CEACAM4: variants seen among roughly 807,000 people sequenced by gnomAD.
CEACAM4 encodes cell adhesion molecule CEACAM4.
A neutral mutation model predicts 28.7 loss-of-function variants in CEACAM4; 30 were observed. The observed-to-expected ratio is 1.05, with a 90% CI of 0.78 to 1.42. The LOEUF (loss-of-function observed/expected upper bound fraction) is 1.42. Ranked by LOEUF, CEACAM4 falls within the 40% of genes most tolerant of loss-of-function variation. The pLI, the probability that CEACAM4 is intolerant of heterozygous loss-of-function variation, is 0.00. For missense variants in CEACAM4, 330 were observed against 308.2 expected, an observed-to-expected ratio of 1.07 and a Z score of -0.53; for synonymous variants, 143 against 126.5, an observed-to-expected ratio of 1.13 and a Z score of -0.87.
intron 3 of CEACAM4, among the ~76,000 whole-genome samples, chr19:41,621,264 G>C (rs1424790833): frequency 1.3e-5 from 2 of 152,056 alleles, no homozygotes; most frequent in Non-Finnish European, 2.9e-5. Flanking sequence ...GCGTGACCAT[G>C]CCCAGGACCC....
Position 41,626,922 on chromosome 19 carries a change from G to A in CEACAM4, c.42C>T (p.Pro14=), listed in dbSNP as rs782135828. Residue 14 remains proline (P), a synonymous_variant, in exon 1 of 7, where the codon CCC becomes CCT. Coordinates refer to ENST00000221954, the MANE Select transcript of CEACAM4 (RefSeq NM_001817.4). ...PSAAPRGGHR[P]WQGLLITASL... ...CACCTGTGATCAGGAGCCCCTGCCAGGGCCTGTGCCCTCCACGGGGAGCGG... is the reference window on the plus strand; with the variant it reads ...CACCTGTGATCAGGAGCCCCTGCCAAGGCCTGTGCCCTCCACGGGGAGCGG... The A allele has an allele frequency of 6.2e-7, 1 of 1,609,220 alleles. No individual in the cohort carries two copies.
chr19:41,622,404 C>T (rs2071347089), intron 2 of CEACAM4, among the ~76,000 whole-genome samples: 1 of 152,148 alleles, frequency 6.6e-6, no homozygotes, highest in Non-Finnish European at 1.5e-5. Flanking sequence ...TTTTCCATTC[C>T]ATGATTGTCA....
intron 2 of CEACAM4, among the ~76,000 whole-genome samples, chr19:41,623,416 T>A (rs895498148): frequency 1.5e-5 from 2 of 137,436 alleles, no homozygotes; most frequent in Admixed American, 7.3e-5. Context: ...TCTTTCGAAC[T>A]GCATTTTTTT....
chr19:41,619,502 C>T (rs2071119649), intron 6 of CEACAM4, 107 bp from the exon 7 acceptor site: 2 of 1,572,284 alleles, frequency 1.3e-6, no homozygotes, highest in Non-Finnish European at 1.7e-6. Flanking sequence ...CTGAACCTGG[C>T]TGTGCTCAGG....
chr19:41,623,419 A>ATTTTTTTTTTTTTTTTTTTTTTTTTCT (rs57004828), intron 2 of CEACAM4, among the ~76,000 whole-genome samples: 4 of 105,060 alleles, frequency 3.8e-5, no homozygotes, highest in Non-Finnish European at 5.9e-5. Flanking sequence ...TTCGAACTGC[A>ATTTTTTTTTTTTTTTTTTTTTTTTTCT]TTTTTTTTTT....
chr19:41,625,314 T>C (rs1555803336), intron 2 of CEACAM4, among the ~76,000 whole-genome samples: 1 of 152,132 alleles, frequency 6.6e-6, no homozygotes, highest in Non-Finnish European at 1.5e-5. Flanking sequence ...CCAGGGTCTT[T>C]CTCAGGGTCA....
Position 41,625,108 on chromosome 19 carries a change from G to C in CEACAM4, c.424+493C>G, listed in dbSNP as rs148012663. On this transcript the variant is annotated intron_variant, in intron 2 of 6. Coordinates refer to ENST00000221954, the MANE Select transcript of CEACAM4 (RefSeq NM_001817.4). Reference sequence around the variant, plus strand: ...GTCTAGATGAGACTCTGGGAGCTGAGCCCTCACTGATGAGAAGCTTCAGGA... The same window carrying C: ...GTCTAGATGAGACTCTGGGAGCTGACCCCTCACTGATGAGAAGCTTCAGGA... Among the ~76,000 whole-genome samples, 301 of 152,294 alleles carry C rather than the reference G, an allele frequency of 2.0e-3. 3 individuals carry two copies. Among genetic ancestry groups the C allele is most frequent in the African/African-American group, 6.8e-3 (283 of 41,562 alleles).
downstream of CEACAM4, among the ~76,000 whole-genome samples, chr19:41,615,759 G>T (rs782577978): frequency 6.6e-6 from 1 of 152,104 alleles, no homozygotes; most frequent in Non-Finnish European, 1.5e-5. Context: ...GGTGGGGTTT[G>T]TTCCCATCCA....
intron 4 of CEACAM4, 135 bp downstream of exon 4, chr19:41,620,440 C>T: frequency 4.5e-6 from 4 of 887,958 alleles, no homozygotes; most frequent in Non-Finnish European, 6.8e-6. Flanking sequence ...AGTCGGGGTC[C>T]CCTGTGTCAT....
chr19:41,622,793 C>A (rs117746288), intron 2 of CEACAM4, among the ~76,000 whole-genome samples: 1 of 150,754 alleles, frequency 6.6e-6, no homozygotes, highest in Non-Finnish European at 1.5e-5. Context: ...AACATCCTCA[C>A]AACCACTCTG....
At position 41,622,136 on chromosome 19, in the gene CEACAM4, G is replaced by A. The variant is rs1261130626; in HGVS notation, c.425-368C>T. On this transcript the variant is annotated intron_variant, in intron 2 of 6. Transcript: ENST00000221954. ...TCTGTCACCCAGACTGGAGTGCACT[G>A]ACGCAATCTCGGCTCACTGCAACCT... Among the ~76,000 whole-genome samples, 9 of 151,656 alleles carry A rather than the reference G, an allele frequency of 5.9e-5. 1 individual carries two copies. The highest frequency in any genetic ancestry group is 1.3e-4 in the Non-Finnish European group (9 of 67,926).
downstream of CEACAM4, among the ~76,000 whole-genome samples, chr19:41,617,211 C>G (rs1050084052): frequency 1.3e-5 from 2 of 152,152 alleles, no homozygotes; most frequent in Admixed American, 1.3e-4. Flanking sequence ...ATCTTTCAGT[C>G]ACCTCTGCTT....
intron 2 of CEACAM4, among the ~76,000 whole-genome samples, chr19:41,622,977 G>A (rs1016161977): frequency 6.6e-6 from 1 of 152,104 alleles, no homozygotes; most frequent in Non-Finnish European, 1.5e-5. Flanking sequence ...CATTGTCTAT[G>A]CTTTCCATTG....
intron 3 of CEACAM4, among the ~76,000 whole-genome samples, chr19:41,620,830 G>A (rs1347152264): frequency 1.3e-5 from 2 of 152,016 alleles, no homozygotes; most frequent in African/African-American, 2.4e-5. Context: ...AGAGAGGAAG[G>A]ACCCCCCCAG....
intron 5 of CEACAM4, among the ~76,000 whole-genome samples, chr19:41,619,938 G>T (rs2071159421): frequency 6.6e-6 from 1 of 152,140 alleles, no homozygotes; most frequent in African/African-American, 2.4e-5. Flanking sequence ...TGTTAATGTG[G>T]GCCTCTGACT....
chr19:41,620,458 G>T, intron 4 of CEACAM4, 117 bp downstream of exon 4: 1 of 959,892 alleles, frequency 1.0e-6, no homozygotes, highest in Non-Finnish European at 1.5e-6. Context: ...CATGTTTCCT[G>T]ACATCCTCCT....
chr19:41,621,607 G>A (rs1555801520), intron 3 of CEACAM4, 44 bp downstream of exon 3: 3 of 1,090,096 alleles, frequency 2.8e-6, no homozygotes, highest in South Asian at 1.3e-5. Context: ...CCCTGACTGG[G>A]GTCAGCCTAG....
chr19:41,613,875 G>T, the CEACAM4 span, among the ~76,000 whole-genome samples: 1 of 152,192 alleles, frequency 6.6e-6, no homozygotes, highest in Admixed American at 6.5e-5. Context: ...ACTGAGCCCT[G>T]CTTCTGGTAT....
At position 41,625,786 on chromosome 19, in the gene CEACAM4, G is replaced by A. The variant is rs551835258; in HGVS notation, c.239C>T (p.Ala80Val). 20 of 1,613,984 alleles carry A rather than the reference G, an allele frequency of 1.2e-5. No individual in the cohort carries two copies. The African/African-American group carries it at 2.3e-4, about 18-fold the overall frequency. Residue 80 changes from alanine to valine, a missense_variant, in exon 2 of 7, where the codon GCT (alanine) becomes GTT (valine). Physicochemically the swap from Ala to Val is moderately conservative, Grantham distance 64. Transcript: ENST00000221954. The part of the protein sequence containing the change: ...GKTAEGSPLI[A>V]GYITDIQANI... ...TGCTTGAATGTCTGTTATATAACCA[G>A]CAATGAGAGGGCTCCCTTCTGCCGT...
Sources: gnomAD v4.1 joint callset for allele counts (sites outside exome capture counted in the v4.1 genomes callset) on GRCh38, gnomAD v4.1.1 for gene constraint, MANE v1.5 for transcripts, NCBI Gene and HGNC (gene_info 2026-07-23, HGNC 2026-07-21) for gene names.